SUSD1: variants seen among roughly 807,000 people sequenced by gnomAD.
SUSD1 encodes the protein sushi domain containing 1.
In SUSD1, 65 loss-of-function variants were observed where a neutral mutation model predicts 86.9. That is an observed-to-expected ratio of 0.75 (90% CI 0.61 to 0.92). The LOEUF (loss-of-function observed/expected upper bound fraction) is 0.92. Ranked by LOEUF, SUSD1 falls within the 40% of genes least tolerant of loss-of-function variation. SUSD1 has a pLI of 0.00. For missense variants in SUSD1, 850 were observed against 929.7 expected, an observed-to-expected ratio of 0.91 and a Z score of 1.11; for synonymous variants, 346 against 350.0, an observed-to-expected ratio of 0.99 and a Z score of 0.13.
In SUSD1 at chr9:112,085,814, C is replaced by T. The variant is rs994419434; in HGVS notation, c.1475-5649G>A. On this transcript the variant is annotated intron_variant, in intron 10 of 16. Transcript: ENST00000374270. ...ATGGTGGCCCCTTAAATATAACTCA[C>T]TACGCATCCTCCAAAATATTCTTCA... 2.0e-5 allele frequency among the ~76,000 whole-genome samples: 3 copies of T among 152,172 alleles called. No individual in the cohort carries two copies. The South Asian group carries it at 6.2e-4, about 32-fold the overall frequency.
At chr9:112,165,754 T>A (rs930589833) in intron 1 of SUSD1, among the ~76,000 whole-genome samples, 1 of 146,756 alleles carries the variant, frequency 6.8e-6, no homozygotes, top group Non-Finnish European at 1.5e-5. Flanking sequence ...CCATTAAGAA[T>A]CATTTATTTA....
chr9:112,133,840 AATCT>A (rs1332363397), intron 5 of SUSD1, among the ~76,000 whole-genome samples: 1 of 152,232 alleles, frequency 6.6e-6, no homozygotes. Context: ...TAATATCCAG[AATCT>A]ACAAGGAACT....
intron 12 of SUSD1, 32 bp downstream of exon 12, chr9:112,078,506 T>C (rs1288868079): frequency 6.3e-7 from 1 of 1,585,866 alleles, no homozygotes; most frequent in Non-Finnish European, 8.6e-7. Context: ...GTGGTAACTT[T>C]GTTAATCCAA....
At chr9:112,045,072 A>T (rs1216317329) in intron 15 of SUSD1, among the ~76,000 whole-genome samples, 1 of 152,272 alleles carries the variant, frequency 6.6e-6, no homozygotes, top group Non-Finnish European at 1.5e-5. Context: ...AGGCATTAAG[A>T]TGCCATCTTT....
At chr9:112,138,078 G>T (rs1832344371) in intron 5 of SUSD1, among the ~76,000 whole-genome samples, 1 of 149,722 alleles carries the variant, frequency 6.7e-6, no homozygotes, top group African/African-American at 2.5e-5. Flanking sequence ...CAAAAAATTA[G>T]CTGGGCATGG....
chr9:112,058,748 A>C, intron 13 of SUSD1, 62 bp from the exon 14 acceptor site: 2 of 1,572,238 alleles, frequency 1.3e-6, no homozygotes, highest in Non-Finnish European at 1.7e-6. Context: ...TCATTCATTC[A>C]TATTTATTGA....
Position 112,044,648 on chromosome 9 carries a change from C to T in SUSD1, c.2150-2688G>A, listed in dbSNP as rs546737402. ...ATAATTTTGATCACTAGAGCTTACA[C>T]CATATATCAAAATAAAATCCAGATG... On this transcript the variant is annotated intron_variant, in intron 15 of 16. Coordinates refer to ENST00000374270, the MANE Select transcript of SUSD1 (RefSeq NM_022486.5). Among the ~76,000 whole-genome samples the T allele has an allele frequency of 7.9e-5, 12 of 152,168 alleles. No homozygotes were observed. In the South Asian group the frequency reaches 1.5e-3, roughly 18 times the overall value.
Position 112,064,739 on chromosome 9 carries a change from G to A in SUSD1, c.1754-1706C>T, listed in dbSNP as rs542003123. Among the ~76,000 whole-genome samples the A allele has an allele frequency of 4.6e-5, 7 of 152,276 alleles. No homozygotes were observed. In the South Asian group the frequency reaches 1.2e-3, roughly 27 times the overall value. ...AAAGATGCAAAAATTAGCCAGGCGTGGTGGCGGGCACCTGTAATCCCAGCT... is the reference window on the plus strand; with the variant it reads ...AAAGATGCAAAAATTAGCCAGGCGTAGTGGCGGGCACCTGTAATCCCAGCT... On this transcript the variant is annotated intron_variant, in intron 12 of 16. Coordinates refer to ENST00000374270, the MANE Select transcript of SUSD1 (RefSeq NM_022486.5).
intron 2 of SUSD1, among the ~76,000 whole-genome samples, chr9:112,153,341 G>A (rs1343406372): frequency 6.6e-6 from 1 of 151,950 alleles, no homozygotes; most frequent in East Asian, 1.9e-4. Flanking sequence ...CCTACACATG[G>A]TCAGGATCAT....
intron 5 of SUSD1, among the ~76,000 whole-genome samples, chr9:112,128,880 A>G (rs527709489): frequency 6.6e-6 from 1 of 152,356 alleles, no homozygotes; most frequent in South Asian, 2.1e-4. Context: ...GGAGACTGGC[A>G]TGAGATGAAG....
At position 112,064,286 on chromosome 9, in the gene SUSD1, C is replaced by T. The variant is rs189019785; in HGVS notation, c.1754-1253G>A. On this transcript the variant is annotated intron_variant, in intron 12 of 16. Coordinates refer to ENST00000374270, the MANE Select transcript of SUSD1 (RefSeq NM_022486.5). ...ACAAGCATTCCTGCCTGAGCTCCAC[C>T]TCCTGTCAGATCAGTGGCAGCATTA... Among the ~76,000 whole-genome samples the T allele has an allele frequency of 3.5e-3, 531 of 152,310 alleles. 2 individuals are homozygous for T. Among genetic ancestry groups the T allele is most frequent in the African/African-American group, 0.012 (508 of 41,550 alleles).
At chr9:112,064,046 T>TTTTG (rs1491139474) in intron 12 of SUSD1, among the ~76,000 whole-genome samples, 1 of 78,648 alleles carries the variant, frequency 1.3e-5, no homozygotes, top group African/African-American at 4.0e-5. Flanking sequence ...TTTCTTTTTT[T>TTTTG]GGGGGGGGGG....
At chr9:112,119,014 G>A (rs1831444778) in intron 6 of SUSD1, among the ~76,000 whole-genome samples, 1 of 152,160 alleles carries the variant, frequency 6.6e-6, no homozygotes, top group Non-Finnish European at 1.5e-5. Context: ...CACTGATGTA[G>A]GAGAAAGAAT....
intron 6 of SUSD1, among the ~76,000 whole-genome samples, chr9:112,119,725 G>T (rs891932566): frequency 6.6e-6 from 1 of 152,148 alleles, no homozygotes; most frequent in African/African-American, 2.4e-5. Context: ...GGTTTTTCCA[G>T]ACACGAAAGT....
At chr9:112,168,585 T>C (rs899297467) in intron 1 of SUSD1, among the ~76,000 whole-genome samples, 2 of 152,216 alleles carry the variant, frequency 1.3e-5, no homozygotes, top group Non-Finnish European at 2.9e-5. Context: ...TTCAGTGTAC[T>C]TCTGAGACAT....
intron 2 of SUSD1, among the ~76,000 whole-genome samples, chr9:112,156,065 C>G (rs373981599): frequency 6.6e-6 from 1 of 151,398 alleles, no homozygotes; most frequent in African/African-American, 2.4e-5. Flanking sequence ...ACTAGCTTAG[C>G]TGGGTGTGGC....
intron 1 of SUSD1, among the ~76,000 whole-genome samples, chr9:112,160,996 A>G (rs1833542161): frequency 6.6e-6 from 1 of 152,246 alleles, no homozygotes; most frequent in Non-Finnish European, 1.5e-5. Context: ...TGTCCATCAT[A>G]TGGGTAAGTA....
intron 8 of SUSD1, among the ~76,000 whole-genome samples, chr9:112,108,253 T>C (rs531538525): frequency 6.6e-6 from 1 of 152,340 alleles, no homozygotes; most frequent in South Asian, 2.1e-4. Flanking sequence ...AATTATATCA[T>C]GCCTTGAAAC....
chr9:112,167,861 G>A (rs575869758), intron 1 of SUSD1, among the ~76,000 whole-genome samples: 2 of 152,170 alleles, frequency 1.3e-5, no homozygotes, highest in African/African-American at 4.8e-5. Flanking sequence ...GGCTGGGGAA[G>A]CCTCACAGTC....
Sources: allele counts gnomAD v4.1 joint callset (sites outside exome capture counted in the v4.1 genomes callset), GRCh38; gene constraint gnomAD v4.1.1; transcripts MANE v1.5; gene names NCBI Gene and HGNC (gene_info 2026-07-23, HGNC 2026-07-21).